ABTB3: variants seen among roughly 807,000 people sequenced by gnomAD.
ABTB3 encodes the protein ankyrin repeat and BTB domain containing 3.
At chr12:107,454,468 G>A in the ABTB3 span, among the ~76,000 whole-genome samples, 3 of 152,366 alleles carry the variant, frequency 2.0e-5, no homozygotes, top group Admixed American at 6.5e-5. Context: ...CTCTGAGATA[G>A]AGGCTGATGC....
chr12:107,569,034 G>A, the ABTB3 span, among the ~76,000 whole-genome samples: 2 of 152,212 alleles, frequency 1.3e-5, no homozygotes, highest in African/African-American at 4.8e-5. Flanking sequence ...ACTGCCAAAT[G>A]CAGGGTGATG....
At chr12:107,610,100 T>C in the ABTB3 span, 1 of 1,478,602 alleles carries the variant, frequency 6.8e-7, no homozygotes, top group Non-Finnish European at 9.3e-7. Flanking sequence ...GAAAAGCAAA[T>C]GCAATGTCCC....
the ABTB3 span, among the ~76,000 whole-genome samples, chr12:107,322,224 G>T: frequency 6.6e-6 from 1 of 152,194 alleles, no homozygotes. Context: ...TTTGGGCAGG[G>T]TGAGTGTGTG....
At chr12:107,512,468 G>A in the ABTB3 span, among the ~76,000 whole-genome samples, 1 of 152,158 alleles carries the variant, frequency 6.6e-6, no homozygotes, top group Non-Finnish European at 1.5e-5. Flanking sequence ...TGGTATTTCA[G>A]CACCCACGAA....
At chr12:107,581,010 A>T in the ABTB3 span, 1 of 1,551,410 alleles carries the variant, frequency 6.4e-7, no homozygotes, top group Admixed American at 2.0e-5. Flanking sequence ...ATTCAGAGGC[A>T]GGGTCTCCAG....
chr12:107,545,223 G>A, the ABTB3 span, among the ~76,000 whole-genome samples: 5 of 151,914 alleles, frequency 3.3e-5, no homozygotes, highest in African/African-American at 1.2e-4. Context: ...GGAGGTTGCT[G>A]TTTCTTTTTT....
At chr12:107,382,617 G>A in the ABTB3 span, among the ~76,000 whole-genome samples, 2 of 152,090 alleles carry the variant, frequency 1.3e-5, no homozygotes, top group Admixed American at 6.5e-5. Flanking sequence ...GCAGGGACAC[G>A]GATGAAGCTG....
At chr12:107,433,752 C>G in the ABTB3 span, among the ~76,000 whole-genome samples, 1 of 152,176 alleles carries the variant, frequency 6.6e-6, no homozygotes, top group Non-Finnish European at 1.5e-5. Context: ...TAAAGGGGTG[C>G]TAGCAAGCCA....
chr12:107,583,805 T>G, the ABTB3 span, among the ~76,000 whole-genome samples: 1 of 152,240 alleles, frequency 6.6e-6, no homozygotes, highest in Non-Finnish European at 1.5e-5. Context: ...CAGGCCAGAA[T>G]GCACAGAGGA....
the ABTB3 span, among the ~76,000 whole-genome samples, chr12:107,588,838 T>C: frequency 2.0e-5 from 3 of 152,150 alleles, no homozygotes; most frequent in Non-Finnish European, 4.4e-5. Flanking sequence ...ATTTTTTAAA[T>C]GTTGGTTGTC....
At chr12:107,366,202 G>C in the ABTB3 span, among the ~76,000 whole-genome samples, 1 of 152,118 alleles carries the variant, frequency 6.6e-6, no homozygotes, top group Non-Finnish European at 1.5e-5. Context: ...TTCAGTGCTT[G>C]ACACCCTAAG....
the ABTB3 span, among the ~76,000 whole-genome samples, chr12:107,648,760 G>A: frequency 6.6e-6 from 1 of 152,088 alleles, no homozygotes; most frequent in African/African-American, 2.4e-5. Context: ...GAGTCAAACT[G>A]GGCCATGTTC....
At chr12:107,458,635 A>T in the ABTB3 span, among the ~76,000 whole-genome samples, 1 of 152,132 alleles carries the variant, frequency 6.6e-6, no homozygotes, top group Non-Finnish European at 1.5e-5. Context: ...TCTTGCTGGG[A>T]GATACACATA....
At chr12:107,445,863 T>TCCCTCTCCCCTCTCCCCTCTC in the ABTB3 span, among the ~76,000 whole-genome samples, 16 of 106,420 alleles carry the variant, frequency 1.5e-4, no homozygotes, top group Admixed American at 4.5e-4. Flanking sequence ...TCTCCAAATC[T>TCCCTCTCCCCTCTCCCCTCTC]CCCTCTCCCC....
the ABTB3 span, among the ~76,000 whole-genome samples, chr12:107,466,760 A>G: frequency 6.6e-6 from 1 of 152,046 alleles, no homozygotes; most frequent in Non-Finnish European, 1.5e-5. Flanking sequence ...GGAGAGTTTA[A>G]TTAGGAACTG....
At chr12:107,648,988 C>T in the ABTB3 span, among the ~76,000 whole-genome samples, 32 of 152,148 alleles carry the variant, frequency 2.1e-4, no homozygotes, top group Non-Finnish European at 4.3e-4. Context: ...CAAGTTTCAA[C>T]AGGTATCAAA....
the ABTB3 span, among the ~76,000 whole-genome samples, chr12:107,584,629 G>A: frequency 6.6e-6 from 1 of 152,352 alleles, no homozygotes; most frequent in South Asian, 2.1e-4. Flanking sequence ...GGTGGCTGGA[G>A]TGTCTGTGAC....
chr12:107,338,266 T>A, the ABTB3 span, among the ~76,000 whole-genome samples: 1 of 152,350 alleles, frequency 6.6e-6, no homozygotes, highest in East Asian at 1.9e-4. Flanking sequence ...CTATACTGAC[T>A]GTAATTTCGA....
chr12:107,616,751 C>G, the ABTB3 span, among the ~76,000 whole-genome samples: 1 of 152,200 alleles, frequency 6.6e-6, no homozygotes, highest in African/African-American at 2.4e-5. Context: ...CCCAGTGCTT[C>G]TAGAAATGTT....
Sources: allele counts gnomAD v4.1 joint callset (sites outside exome capture counted in the v4.1 genomes callset), GRCh38; gene constraint gnomAD v4.1.1; transcripts MANE v1.5; gene names NCBI Gene and HGNC (gene_info 2026-07-23, HGNC 2026-07-21).